GABRG3: variants seen among roughly 807,000 people sequenced by gnomAD.
GABRG3 encodes gamma-aminobutyric acid type A receptor subunit gamma3, also known as gamma-aminobutyric acid receptor subunit gamma-3.
GABRG3 carries 25 observed loss-of-function variants against 48.8 expected under a neutral mutation model. The observed-to-expected ratio is 0.51, with a 90% CI of 0.37 to 0.72. The LOEUF is 0.72. Ranked by LOEUF, GABRG3 falls within the 30% of genes least tolerant of loss-of-function variation. The pLI is 0.00. For synonymous variants in GABRG3, 227 were observed against 217.6 expected (o/e 1.04, Z -0.38); for missense variants, 394 against 577.9 (o/e 0.68, Z 3.26).
rs1399593478 is a variant in GABRG3, at chr15:27,446,238, TATC to T, written c.575-34408_575-34406del. ...ATCTATAGACTACTTTGAGTAGTAT[TATC>T]ATCTTAACAATATTAAATCTTCTGA... On this transcript the variant is annotated intron_variant, in intron 5 of 9. Transcript: ENST00000615808. 9.2e-5 allele frequency among the ~76,000 whole-genome samples: 14 copies of T among 152,358 alleles called. No homozygotes were observed. In the South Asian group the frequency reaches 1.0e-3, roughly 11 times the overall value.
chr15:27,321,249 G>A (rs561373027), intron 3 of GABRG3, among the ~76,000 whole-genome samples: 3 of 152,336 alleles, frequency 2.0e-5, no homozygotes, highest in African/African-American at 7.2e-5. Context: ...CCTCAGGGGT[G>A]TTAGTCTTTA....
At chr15:27,100,012 C>T (rs1189297302) in intron 3 of GABRG3, among the ~76,000 whole-genome samples, 32 of 152,046 alleles carry the variant, frequency 2.1e-4, no homozygotes, top group South Asian at 4.2e-4. Context: ...GCCAAGAGTT[C>T]GAGACCAGCC....
chr15:27,125,591 C>T (rs1897806204), intron 3 of GABRG3, among the ~76,000 whole-genome samples: 1 of 152,096 alleles, frequency 6.6e-6, no homozygotes, highest in African/African-American at 2.4e-5. Flanking sequence ...CTCTGTATTC[C>T]ATAAACATGT....
At chr15:27,316,298 G>C (rs916429189) in intron 3 of GABRG3, among the ~76,000 whole-genome samples, 1 of 146,508 alleles carries the variant, frequency 6.8e-6, no homozygotes, top group Non-Finnish European at 1.5e-5. Flanking sequence ...TGAGGCAGGA[G>C]AATGGCGTGA....
intron 3 of GABRG3, among the ~76,000 whole-genome samples, chr15:27,079,029 C>T (rs1379386315): frequency 6.6e-6 from 1 of 152,162 alleles, no homozygotes; most frequent in African/African-American, 2.4e-5. Context: ...AGTGATGCAT[C>T]TGTGGGCCAA....
At position 27,393,590 on chromosome 15, in the gene GABRG3, G is replaced by C. The variant is rs1887213990; in HGVS notation, c.574+64702G>C. Among the ~76,000 whole-genome samples the C allele has an allele frequency of 1.3e-5, 2 of 151,992 alleles. 1 individual carries two copies. Among genetic ancestry groups the C allele is most frequent in the Non-Finnish European group, 2.9e-5 (2 of 68,016 alleles). On this transcript the variant is annotated intron_variant, in intron 5 of 9. Transcript: ENST00000615808. Reference sequence around the variant, plus strand: ...ATGGATCATTCTAGCCTCCTCCCTTGTTTATCTGTAAACTCTCACTTCCAC... The same window carrying C: ...ATGGATCATTCTAGCCTCCTCCCTTCTTTATCTGTAAACTCTCACTTCCAC...
At chr15:27,466,437 A>G (rs574322722) in intron 5 of GABRG3, among the ~76,000 whole-genome samples, 15 of 150,644 alleles carry the variant, frequency 1.0e-4, no homozygotes, top group Admixed American at 9.9e-4. Context: ...AACTACAGAC[A>G]AGAAAATGAT....
chr15:27,501,107 A>T (rs76127976), intron 6 of GABRG3, among the ~76,000 whole-genome samples: 1 of 151,770 alleles, frequency 6.6e-6, no homozygotes, highest in African/African-American at 2.4e-5. Context: ...GCCCGCCACC[A>T]CGCCCAGCAA....
At chr15:27,270,222 TTAGGA>T (rs1231170511) in intron 3 of GABRG3, among the ~76,000 whole-genome samples, 1 of 152,212 alleles carries the variant, frequency 6.6e-6, no homozygotes, top group Non-Finnish European at 1.5e-5. Flanking sequence ...GTGTTTGGGC[TTAGGA>T]TCTAGAAATG....
intron 5 of GABRG3, among the ~76,000 whole-genome samples, chr15:27,450,195 C>T (rs1889067800): frequency 6.6e-6 from 1 of 152,184 alleles, no homozygotes; most frequent in African/African-American, 2.4e-5. Flanking sequence ...TTGCAACTTC[C>T]TCTCCTGCCG....
At chr15:27,042,086 G>A (rs1338810501) in intron 3 of GABRG3, among the ~76,000 whole-genome samples, 1 of 152,182 alleles carries the variant, frequency 6.6e-6, no homozygotes, top group East Asian at 1.9e-4. Context: ...CAGTGAACGA[G>A]GTTCTCCAAA....
chr15:27,190,355 C>G (rs1188378280), intron 3 of GABRG3, among the ~76,000 whole-genome samples: 1 of 152,158 alleles, frequency 6.6e-6, no homozygotes, highest in African/African-American at 2.4e-5. Flanking sequence ...CCATCTGGTC[C>G]TGGACTCTTT....
At chr15:27,115,085 A>C (rs994613561) in intron 3 of GABRG3, among the ~76,000 whole-genome samples, 35 of 152,162 alleles carry the variant, frequency 2.3e-4, no homozygotes, top group African/African-American at 8.4e-4. Flanking sequence ...ATAAAAATGA[A>C]ATAAAGGGAA....
At chr15:27,238,386 G>A (rs1326573981) in intron 3 of GABRG3, among the ~76,000 whole-genome samples, 3 of 152,244 alleles carry the variant, frequency 2.0e-5, no homozygotes, top group Admixed American at 6.5e-5. Context: ...TGCCTTAGCT[G>A]GAGGGAGCCG....
At chr15:27,225,826 T>C (rs1410165149) in intron 3 of GABRG3, among the ~76,000 whole-genome samples, 12 of 151,994 alleles carry the variant, frequency 7.9e-5, no homozygotes, top group African/African-American at 2.4e-4. Flanking sequence ...AGGAAGTGCA[T>C]GTGGGCTGCT....
At chr15:27,212,666 C>T (rs1889114669) in intron 3 of GABRG3, among the ~76,000 whole-genome samples, 1 of 152,174 alleles carries the variant, frequency 6.6e-6, no homozygotes, top group East Asian at 1.9e-4. Flanking sequence ...CACCACCGCC[C>T]ATCTCTAGGA....
intron 5 of GABRG3, among the ~76,000 whole-genome samples, chr15:27,454,755 C>T (rs1889213204): frequency 6.6e-6 from 1 of 152,194 alleles, no homozygotes; most frequent in Non-Finnish European, 1.5e-5. Context: ...TAAGTCATCC[C>T]TGTCCACATT....
chr15:27,238,122 C>T (rs886806691), intron 3 of GABRG3, among the ~76,000 whole-genome samples: 1 of 100,164 alleles, frequency 1.0e-5, no homozygotes, highest in Non-Finnish European at 2.7e-5. Context: ...GTCTCGCAGA[C>T]AGCAGCGGTG....
chr15:27,474,089 A>C (rs1889863500), intron 5 of GABRG3, among the ~76,000 whole-genome samples: 1 of 58 alleles, frequency 0.017, no homozygotes, highest in South Asian at 0.5. Context: ...GACTGCAGCC[A>C]CACCACCCAC....
Sources: allele counts gnomAD v4.1 joint callset (sites outside exome capture counted in the v4.1 genomes callset), GRCh38; gene constraint gnomAD v4.1.1; transcripts MANE v1.5; gene names NCBI Gene and HGNC (gene_info 2026-07-23, HGNC 2026-07-21).